The following ABCD3 variants were observed in gnomAD, a reference collection of about 807,000 sequenced individuals.
The protein encoded by ABCD3 is ATP binding cassette subfamily D member 3, also known as ATP-binding cassette sub-family D member 3.
ABCD3 carries 41 observed loss-of-function variants against 105.5 expected under a neutral mutation model. The observed-to-expected ratio is 0.39, with a 90% CI of 0.30 to 0.50. The LOEUF is 0.50. ABCD3 is among the 20% of genes least tolerant of loss of function. The pLI, the probability that ABCD3 is intolerant of heterozygous loss-of-function variation, is 0.84. For synonymous variants in ABCD3, 258 were observed against 269.0 expected (o/e 0.96, Z 0.40); for missense variants, 622 against 806.3 (o/e 0.77, Z 2.77).
At chr1:94,392,211 A>G in the ABCD3 span, among the ~76,000 whole-genome samples, 8 of 152,330 alleles carry the variant, frequency 5.3e-5, 1 homozygote, top group South Asian at 4.1e-4. Context: ...GGCTTTAGCC[A>G]ATAGGATGCA....
At chr1:94,483,746 G>T (rs963229655) in intron 10 of ABCD3, among the ~76,000 whole-genome samples, 9 of 152,096 alleles carry the variant, frequency 5.9e-5, no homozygotes, top group Non-Finnish European at 1.2e-4. Flanking sequence ...AGGACTTCAT[G>T]TCTAAAACAC....
In ABCD3 at chr1:94,496,257, T is replaced by C. The variant is rs375228197; in HGVS notation, c.1387-2345T>C. Among the ~76,000 whole-genome samples, 146 of 152,268 alleles carry C rather than the reference T, an allele frequency of 9.6e-4. 1 individual carries two copies. The South Asian group carries it at 0.015, about 16-fold the overall frequency. On this transcript the variant is annotated intron_variant, in intron 16 of 22. Coordinates refer to ENST00000370214, the MANE Select transcript of ABCD3 (RefSeq NM_002858.4). Reference sequence around the variant, plus strand: ...AAACAGTAACTCTCCTTCCTTCCTCTCCCTTGCCCCTGGTAACCTCTCATG... The same window carrying C: ...AAACAGTAACTCTCCTTCCTTCCTCCCCCTTGCCCCTGGTAACCTCTCATG...
intron 13 of ABCD3, among the ~76,000 whole-genome samples, chr1:94,489,119 C>T (rs1177648187): frequency 5.3e-5 from 8 of 152,072 alleles, no homozygotes; most frequent in Non-Finnish European, 1.0e-4. Flanking sequence ...AATACTTTCT[C>T]TTTGGCGATC....
chr1:94,467,962 C>T lies in ABCD3; in HGVS notation c.290C>T (p.Thr97Ile). 6.2e-7 allele frequency: 1 copy of T among 1,613,506 alleles called. No homozygotes were observed. Among genetic ancestry groups the T allele is most frequent in the Non-Finnish European group, 8.5e-7 (1 of 1,179,646 alleles). ...VLIAVMLVSR[T>I]YCDVWMIQNG... is the part of the protein sequence containing the mutation. ...ATTGCTGTTATGCTGGTGTCTCGAA[C>T]ATATTGTGATGTTTGGATGATTCAA... The change falls in exon 4 of 23, where the codon ACA (threonine) becomes ATA (isoleucine). Residue 97 changes from threonine to isoleucine, a missense_variant. Physicochemically the swap from Thr to Ile is moderately conservative, Grantham distance 89 (BLOSUM62 -1). This residue lies in a region of ABCD3 where 245 missense variants were observed against 356.4 expected (regional missense o/e 0.69). Transcript: ENST00000370214.
chr1:94,483,320 T>TACACAC, intron 10 of ABCD3, 81 bp downstream of exon 10: 1 of 995,018 alleles, frequency 1.0e-6, no homozygotes, highest in East Asian at 2.4e-5. Flanking sequence ...CCGACACACA[T>TACACAC]ACACACACAC....
chr1:94,483,053 T>C, intron 9 of ABCD3, 117 bp from the exon 10 acceptor site: 1 of 733,442 alleles, frequency 1.4e-6, no homozygotes, highest in East Asian at 2.7e-5. Context: ...CCAGATAAGC[T>C]CTTAGTCACA....
the ABCD3 span, among the ~76,000 whole-genome samples, chr1:94,401,078 T>C: frequency 1.3e-5 from 2 of 152,202 alleles, no homozygotes; most frequent in African/African-American, 2.4e-5. Flanking sequence ...TCACCAGATG[T>C]CTTCCTTTAA....
intron 2 of ABCD3, among the ~76,000 whole-genome samples, chr1:94,463,587 G>C (rs1223345321): frequency 6.6e-6 from 1 of 152,194 alleles, no homozygotes; most frequent in African/African-American, 2.4e-5. Context: ...TGGGGAAAGG[G>C]TTAGTCAGGG....
At position 94,499,351 on chromosome 1, in the gene ABCD3, C is replaced by G; in HGVS notation, c.1621-144C>G. 11 of 978,986 alleles carry G rather than the reference C, an allele frequency of 1.1e-5. No homozygotes were observed. In the South Asian group the frequency reaches 1.5e-4, roughly 13 times the overall value. The allele number at this position is 978,986 out of a possible 1,614,324, so 60.6% of individuals were successfully genotyped here. ...TAGGAGCTGAAAGGTTCAGGGCTACCTTGTGCCACATTCTTTTCTGAAATG... is the reference window on the plus strand; with the variant it reads ...TAGGAGCTGAAAGGTTCAGGGCTACGTTGTGCCACATTCTTTTCTGAAATG... On this transcript the variant is annotated intron_variant, in intron 19 of 22. Coordinates refer to ENST00000370214, the MANE Select transcript of ABCD3 (RefSeq NM_002858.4).
At chr1:94,511,106 G>A (rs1176256208) in intron 21 of ABCD3, among the ~76,000 whole-genome samples, 1 of 151,774 alleles carries the variant, frequency 6.6e-6, no homozygotes, top group African/African-American at 2.4e-5. Flanking sequence ...TTACATTTTG[G>A]CATGATTTTG....
chr1:94,405,454 G>A, the ABCD3 span, among the ~76,000 whole-genome samples: 15 of 152,048 alleles, frequency 9.9e-5, no homozygotes, highest in Admixed American at 6.6e-5. Flanking sequence ...GGGGTTACAG[G>A]CATGCACGCC....
intron 1 of ABCD3, among the ~76,000 whole-genome samples, chr1:94,434,995 C>T (rs556561544): frequency 1.3e-5 from 2 of 151,814 alleles, no homozygotes; most frequent in South Asian, 4.2e-4. Context: ...TTATCTATGT[C>T]TCTTAACCTA....
At chr1:94,437,460 C>T (rs1225154038) in intron 1 of ABCD3, among the ~76,000 whole-genome samples, 1 of 152,212 alleles carries the variant, frequency 6.6e-6, no homozygotes, top group Admixed American at 6.5e-5. Flanking sequence ...AGCAGCACGT[C>T]TGTTTACAGC....
At chr1:94,483,438 T>A (rs1051037958) in intron 10 of ABCD3, among the ~76,000 whole-genome samples, 199 bp downstream of exon 10, 2 of 152,126 alleles carry the variant, frequency 1.3e-5, no homozygotes, top group African/African-American at 4.8e-5. Flanking sequence ...AACTATCATA[T>A]CAATATATTC....
At chr1:94,483,911 A>G (rs1649153833) in intron 10 of ABCD3, among the ~76,000 whole-genome samples, 1 of 152,246 alleles carries the variant, frequency 6.6e-6, no homozygotes, top group Non-Finnish European at 1.5e-5. Context: ...AAGGGCTAAT[A>G]TCCAGAATCT....
intron 21 of ABCD3, among the ~76,000 whole-genome samples, chr1:94,511,351 C>T (rs954243546): frequency 8.6e-5 from 13 of 152,020 alleles, no homozygotes; most frequent in African/African-American, 1.2e-4. Flanking sequence ...GGGTTTCTGC[C>T]GAGAGATCCG....
intron 1 of ABCD3, among the ~76,000 whole-genome samples, chr1:94,447,227 A>G (rs181960414): frequency 2.2e-4 from 33 of 152,384 alleles, no homozygotes; most frequent in Admixed American, 1.1e-3. Context: ...TTAGAAGGAC[A>G]CATAGCTCCA....
At chr1:94,394,825 T>G in the ABCD3 span, among the ~76,000 whole-genome samples, 55 of 152,166 alleles carry the variant, frequency 3.6e-4, no homozygotes, top group Non-Finnish European at 6.5e-4. Flanking sequence ...GTTGGGAGAG[T>G]GTTAGACTGA....
the ABCD3 span, among the ~76,000 whole-genome samples, chr1:94,391,362 C>T: frequency 1.3e-5 from 2 of 152,268 alleles, no homozygotes; most frequent in African/African-American, 4.8e-5. Flanking sequence ...GACTCTCTGT[C>T]GCCCTCGTCA....
Sources: gnomAD v4.1 joint callset for allele counts (sites outside exome capture counted in the v4.1 genomes callset) on GRCh38, gnomAD v4.1.1 for gene constraint, gnomAD v4.1.1 regional missense constraint, MANE v1.5 for transcripts, NCBI Gene and HGNC (gene_info 2026-07-23, HGNC 2026-07-21) for gene names.